The following TSPEAR variants were observed in gnomAD, a reference collection of about 807,000 sequenced individuals.
The protein encoded by TSPEAR is thrombospondin type laminin G domain and EAR repeats, also known as thrombospondin-type laminin G domain and EAR repeat-containing protein.
In TSPEAR, 69 loss-of-function variants were observed where a neutral mutation model predicts 71.6. That is an observed-to-expected ratio of 0.96 (90% confidence interval 0.79 to 1.18). The LOEUF is 1.18. Among genes scored for constraint, TSPEAR ranks in the 50% most tolerant of loss-of-function variants. The pLI, the probability that TSPEAR is intolerant of heterozygous loss-of-function variation, is 0.00. For synonymous variants in TSPEAR, 402 were observed against 387.2 expected (o/e 1.04, Z -0.45); for missense variants, 971 against 894.9 (o/e 1.09, Z -1.09).
chr21:44,598,804 G>A (rs76814068), intron 1 of TSPEAR, among the ~76,000 whole-genome samples: 6 of 151,826 alleles, frequency 4.0e-5, no homozygotes, highest in Non-Finnish European at 8.8e-5. Flanking sequence ...TTATCCTTCC[G>A]TCATCCTGCC....
Position 44,593,086 on chromosome 21 carries a change from C to G in TSPEAR, c.83-25081G>C, listed in dbSNP as rs587667013. Among the ~76,000 whole-genome samples the G allele has an allele frequency of 6.6e-6, 1 of 152,336 alleles. No individual in the cohort carries two copies. The highest frequency in any genetic ancestry group is 1.5e-5 in the Non-Finnish European group (1 of 68,026). On this transcript the variant is annotated intron_variant, in intron 1 of 11. Coordinates refer to ENST00000323084, the MANE Select transcript of TSPEAR (RefSeq NM_144991.3). This position sits in a 1 kb window ranked among gnomAD's most constrained non-coding sequence, Gnocchi z 5.9. The stretch of plus-strand genomic sequence containing the variant: ...CTCCGGCCCTGTTTCGTGTCCACCT[C>G]GTCTTTGTGTTTTGGAGGCAGCAGG...
intron 1 of TSPEAR, chr21:44,702,385 C>CCCAGCGCCTGCCACTCAGGCTGCA (rs745969633): frequency 9.3e-7 from 1 of 1,077,412 alleles, no homozygotes. Flanking sequence ...AGCCTGTGAG[C>CCCAGCGCCTGCCACTCAGGCTGCA]CCAGCTCCTG....
intron 1 of TSPEAR, among the ~76,000 whole-genome samples, chr21:44,705,145 G>C (rs1555952126): frequency 6.6e-6 from 1 of 152,188 alleles, no homozygotes; most frequent in Admixed American, 6.5e-5. Context: ...AATTTCTTAT[G>C]CCTGTCTTTA....
intron 1 of TSPEAR, among the ~76,000 whole-genome samples, chr21:44,599,143 T>TCTCC (rs1980586873): frequency 7.5e-6 from 1 of 132,590 alleles, no homozygotes; most frequent in Non-Finnish European, 1.6e-5. Flanking sequence ...TTTCTCTCTC[T>TCTCC]CTCTCTCTCT....
At chr21:44,507,638 G>A (rs1321600928) in intron 10 of TSPEAR, among the ~76,000 whole-genome samples, 9 of 152,244 alleles carry the variant, frequency 5.9e-5, no homozygotes, top group African/African-American at 1.7e-4. Flanking sequence ...GTCAGTTCCC[G>A]CAGCTTTCAA....
At chr21:44,505,723 T>C (rs1167381004) in intron 10 of TSPEAR, among the ~76,000 whole-genome samples, 1 of 151,724 alleles carries the variant, frequency 6.6e-6, no homozygotes, top group Non-Finnish European at 1.5e-5. Context: ...TTCATCCGTG[T>C]CGCACTGTGT....
chr21:44,641,207 A>T (rs1268475138), intron 1 of TSPEAR, among the ~76,000 whole-genome samples: 1 of 152,256 alleles, frequency 6.6e-6, no homozygotes, highest in Non-Finnish European at 1.5e-5. Flanking sequence ...AGCATGACAG[A>T]GAAGCAAAGT....
Position 44,515,155 on chromosome 21 carries a change from A to G in TSPEAR, c.1567-5769T>C, listed in dbSNP as rs141380229. 3.5e-4 allele frequency among the ~76,000 whole-genome samples: 53 copies of G among 152,368 alleles called. No individual in the cohort carries two copies. In the East Asian group the frequency reaches 7.5e-3, roughly 22 times the overall value. ...AGACATTGCAAAACTCAAACCAAAC[A>G]GTAAACAAATTAAGACATCTCTAGG... On this transcript the variant is annotated intron_variant, in intron 9 of 11. Coordinates refer to ENST00000323084, the MANE Select transcript of TSPEAR (RefSeq NM_144991.3).
chr21:44,540,159 G>C, intron 2 of TSPEAR: 4 of 1,611,096 alleles, frequency 2.5e-6, no homozygotes, highest in Non-Finnish European at 3.4e-6. Flanking sequence ...ATGCTGGGGT[G>C]GGGAGGAGGT....
chr21:44,700,912 T>C (rs2146328437), intron 1 of TSPEAR, among the ~76,000 whole-genome samples: 1 of 151,994 alleles, frequency 6.6e-6, no homozygotes, highest in African/African-American at 2.4e-5. Flanking sequence ...CCGCAGCCCA[T>C]AGGGTGATAT....
chr21:44,500,543 A>G (rs375388362), intron 11 of TSPEAR, among the ~76,000 whole-genome samples: 1 of 152,268 alleles, frequency 6.6e-6, no homozygotes, highest in African/African-American at 2.4e-5. Flanking sequence ...ATTAAATAAT[A>G]AAGTATGAAA....
At chr21:44,611,098 T>C (rs1248601104) in intron 1 of TSPEAR, among the ~76,000 whole-genome samples, 1 of 152,124 alleles carries the variant, frequency 6.6e-6, no homozygotes, top group Non-Finnish European at 1.5e-5. Context: ...ACTGTGGACT[T>C]TTGGGTTAAT....
intron 1 of TSPEAR, chr21:44,573,874 C>G: frequency 1.2e-6 from 2 of 1,613,554 alleles, no homozygotes. Context: ...TGCTGCGAGC[C>G]CCCCTGCTGC....
Position 44,533,667 on chromosome 21 carries a change from C to T in TSPEAR, c.542+18G>A. 2 of 1,592,322 alleles carry T rather than the reference C, an allele frequency of 1.3e-6. No homozygotes were observed. On this transcript the variant is annotated intron_variant, in intron 3 of 11. Transcript: ENST00000323084. ...ACTCTGAGGACTGCAGGTGCACCCT[C>T]CCCGGGTGGGTACCTACATGTCCAC...
intron 3 of TSPEAR, among the ~76,000 whole-genome samples, chr21:44,532,586 A>G (rs1039961161): frequency 1.3e-5 from 2 of 152,262 alleles, no homozygotes; most frequent in Admixed American, 1.3e-4. Context: ...GATAAGTTTC[A>G]TAACAAAACA....
chr21:44,603,835 G>T (rs1312833841), intron 1 of TSPEAR, among the ~76,000 whole-genome samples: 3 of 152,212 alleles, frequency 2.0e-5, no homozygotes, highest in Admixed American at 6.5e-5. Flanking sequence ...CACAAAAAAT[G>T]CAAAAGGCAC....
intron 1 of TSPEAR, chr21:44,591,433 C>G (rs371882347): frequency 1.2e-6 from 2 of 1,613,408 alleles, no homozygotes; most frequent in Admixed American, 3.3e-5. Flanking sequence ...GCAGGCAGGG[C>G]GGGAGCACAT....
chr21:44,512,714 C>CT (rs1192421823), intron 9 of TSPEAR, among the ~76,000 whole-genome samples: 2 of 152,020 alleles, frequency 1.3e-5, no homozygotes, highest in Admixed American at 6.5e-5. Flanking sequence ...AGGGAGCAAA[C>CT]TTTGAGTTGC....
intron 1 of TSPEAR, among the ~76,000 whole-genome samples, chr21:44,667,794 T>C (rs1985865831): frequency 6.6e-6 from 1 of 152,208 alleles, no homozygotes; most frequent in African/African-American, 2.4e-5. Context: ...GGCATCATGA[T>C]AACAGAATGA....
Sources: allele counts gnomAD v4.1 joint callset (sites outside exome capture counted in the v4.1 genomes callset), GRCh38; gene constraint gnomAD v4.1.1; non-coding constraint Gnocchi (gnomAD v3.1); transcripts MANE v1.5; gene names NCBI Gene and HGNC (gene_info 2026-07-23, HGNC 2026-07-21).